Variants in CHRM3 observed in about 807,000 individuals in gnomAD.
The protein encoded by CHRM3 is muscarinic acetylcholine receptor M3.
In CHRM3, 11 loss-of-function variants were observed where a neutral mutation model predicts 41.8. The observed-to-expected ratio is 0.26, with a 90% CI of 0.17 to 0.44. CHRM3 has a LOEUF of 0.44. Among genes scored for constraint, CHRM3 ranks in the 20% least tolerant of loss-of-function variants. CHRM3 has a pLI of 1.00. For synonymous variants in CHRM3, 297 were observed against 301.4 expected, an observed-to-expected ratio of 0.99 and a Z score of 0.15; for missense variants, 571 against 745.4, an observed-to-expected ratio of 0.77 and a Z score of 2.72.
intron 5 of CHRM3, among the ~76,000 whole-genome samples, chr1:239,786,166 C>A (rs1668877685): frequency 6.6e-6 from 1 of 152,076 alleles, no homozygotes; most frequent in African/African-American, 2.4e-5. Context: ...CATTTAATTT[C>A]AGAAGGACTG....
intron 5 of CHRM3, among the ~76,000 whole-genome samples, chr1:239,712,392 A>C (rs1213687658): frequency 6.6e-6 from 1 of 152,206 alleles, no homozygotes; most frequent in Non-Finnish European, 1.5e-5. Flanking sequence ...TTTCTTACTT[A>C]GGAAATATTT....
intron 6 of CHRM3, among the ~76,000 whole-genome samples, chr1:239,856,564 AC>A (rs1238382081): frequency 2.0e-5 from 3 of 151,720 alleles, no homozygotes; most frequent in Non-Finnish European, 4.4e-5. Flanking sequence ...AACCAATTAA[AC>A]CTCTTTTCTC....
intron 1 of CHRM3, among the ~76,000 whole-genome samples, chr1:239,423,282 T>G (rs1323144765): frequency 6.6e-6 from 1 of 152,242 alleles, no homozygotes. Context: ...TTTTTGCATT[T>G]AAAAGAAAAT....
intron 3 of CHRM3, among the ~76,000 whole-genome samples, chr1:239,584,810 A>G (rs898450051): frequency 1.3e-5 from 2 of 152,144 alleles, no homozygotes; most frequent in African/African-American, 4.8e-5. Context: ...TTCCAAAGCC[A>G]GTTGGAAAAG....
intron 4 of CHRM3, among the ~76,000 whole-genome samples, chr1:239,674,709 C>CAAAAAA (rs34078965): frequency 2.2e-5 from 2 of 92,732 alleles, no homozygotes; most frequent in African/African-American, 4.0e-5. Flanking sequence ...GACTCCATCT[C>CAAAAAA]AAAAAAAAAA....
chr1:239,789,134 A>G (rs1375623757), intron 5 of CHRM3, among the ~76,000 whole-genome samples: 1 of 152,172 alleles, frequency 6.6e-6, no homozygotes. Context: ...CGTTGCACCC[A>G]TTCAGAAGAG....
intron 5 of CHRM3, among the ~76,000 whole-genome samples, chr1:239,706,657 CACACACACTTGCATGT>C (rs1159727722): frequency 6.7e-6 from 1 of 149,990 alleles, no homozygotes; most frequent in Admixed American, 6.6e-5. Context: ...GACATGCACC[CACACACACTTGCATGT>C]ACACACACGG....
chr1:239,514,400 T>A (rs1029061143), intron 2 of CHRM3, among the ~76,000 whole-genome samples: 2 of 151,724 alleles, frequency 1.3e-5, no homozygotes, highest in African/African-American at 2.4e-5. Context: ...ATATAAATGG[T>A]ATTGTGTTTT....
At chr1:239,621,607 G>A (rs1048392889) in intron 3 of CHRM3, among the ~76,000 whole-genome samples, 1 of 152,158 alleles carries the variant, frequency 6.6e-6, no homozygotes, top group Non-Finnish European at 1.5e-5. Context: ...TGAGTGTCCT[G>A]GCTAGAAGAT....
intron 6 of CHRM3, among the ~76,000 whole-genome samples, chr1:239,854,397 CA>C (rs1323702280): frequency 6.6e-6 from 1 of 152,000 alleles, no homozygotes; most frequent in Non-Finnish European, 1.5e-5. Context: ...ACAACAACAA[CA>C]AAAAACAATC....
intron 6 of CHRM3, among the ~76,000 whole-genome samples, chr1:239,850,260 T>A (rs12085933): frequency 0.031 from 4,765 of 152,146 alleles, 257 homozygotes; most frequent in African/African-American, 0.11. Flanking sequence ...AGAGAAAATA[T>A]GTTTACTATT....
intron 5 of CHRM3, among the ~76,000 whole-genome samples, chr1:239,800,369 C>T (rs931188711): frequency 1.3e-5 from 2 of 152,210 alleles, no homozygotes; most frequent in South Asian, 4.1e-4. Context: ...GTCATCATCT[C>T]TTTGTTCCTC....
At chr1:239,762,603 C>T (rs1666890387) in intron 5 of CHRM3, among the ~76,000 whole-genome samples, 1 of 152,126 alleles carries the variant, frequency 6.6e-6, no homozygotes, top group Non-Finnish European at 1.5e-5. Context: ...GCTTTCTCCC[C>T]TGTAGTTTTC....
intron 2 of CHRM3, among the ~76,000 whole-genome samples, chr1:239,522,847 G>A (rs959725392): frequency 1.3e-5 from 2 of 152,268 alleles, no homozygotes; most frequent in East Asian, 3.9e-4. Flanking sequence ...AAGGTCATAC[G>A]CAGAAAATGT....
intron 1 of CHRM3, among the ~76,000 whole-genome samples, chr1:239,402,237 A>G (rs1013145709): frequency 6.6e-6 from 1 of 152,176 alleles, no homozygotes; most frequent in African/African-American, 2.4e-5. Context: ...TGTTCCAAGG[A>G]GAAGCAAGGA....
At chr1:239,769,275 CCTA>C (rs1368749934) in intron 5 of CHRM3, among the ~76,000 whole-genome samples, 2 of 152,154 alleles carry the variant, frequency 1.3e-5, no homozygotes, top group African/African-American at 2.4e-5. Context: ...TTTCATCTGT[CCTA>C]CTCTGCATTT....
chr1:239,577,133 T>A (rs530452990), intron 3 of CHRM3, among the ~76,000 whole-genome samples: 1 of 152,306 alleles, frequency 6.6e-6, no homozygotes, highest in South Asian at 2.1e-4. Flanking sequence ...CAGAAGCTTC[T>A]AATAGATTTC....
chr1:239,591,626 AG>A (rs1284930020), intron 3 of CHRM3, among the ~76,000 whole-genome samples: 2 of 152,126 alleles, frequency 1.3e-5, no homozygotes, highest in African/African-American at 2.4e-5. Flanking sequence ...AAAAGAAACA[AG>A]ATTACTCTGA....
intron 1 of CHRM3, among the ~76,000 whole-genome samples, chr1:239,408,707 C>T (rs1056176539): frequency 2.0e-5 from 3 of 151,848 alleles, no homozygotes; most frequent in Non-Finnish European, 4.4e-5. Context: ...AGTAAAGTGG[C>T]ACAATCACGG....
Sources: gnomAD v4.1 joint callset for allele counts (sites outside exome capture counted in the v4.1 genomes callset) on GRCh38, gnomAD v4.1.1 for gene constraint, MANE v1.5 for transcripts, NCBI Gene and HGNC (gene_info 2026-07-23, HGNC 2026-07-21) for gene names.